Variants in ADAMTS2 observed in about 807,000 individuals in gnomAD.
The protein encoded by ADAMTS2 is A disintegrin and metalloproteinase with thrombospondin motifs 2.
A neutral mutation model predicts 123.0 loss-of-function variants in ADAMTS2; 50 were observed. The observed-to-expected ratio is 0.41, with a 90% CI of 0.32 to 0.51. ADAMTS2 has a LOEUF of 0.51. Among genes scored for constraint, ADAMTS2 ranks in the 20% least tolerant of loss-of-function variants. ADAMTS2 has a pLI of 0.35. For missense variants in ADAMTS2, 1,494 were observed against 1,705.2 expected (o/e 0.88, Z 2.18); for synonymous variants, 678 against 695.4 (o/e 0.98, Z 0.39).
chr5:179,114,670 T>G, intron 21 of ADAMTS2, among the ~76,000 whole-genome samples: 1 of 152,334 alleles, frequency 6.6e-6, no homozygotes, highest in South Asian at 2.1e-4. Context: ...TCTTAAAGAA[T>G]AGGACTTTAT....
chr5:179,186,385 G>A (rs1365009847), intron 4 of ADAMTS2, among the ~76,000 whole-genome samples: 1 of 152,202 alleles, frequency 6.6e-6, no homozygotes, highest in Non-Finnish European at 1.5e-5. Context: ...GATACATCAG[G>A]AACAGACATG....
chr5:179,334,769 A>G (rs1014551607), intron 2 of ADAMTS2, among the ~76,000 whole-genome samples: 1 of 152,266 alleles, frequency 6.6e-6, no homozygotes, highest in Non-Finnish European at 1.5e-5. Context: ...ATAGTTCTAT[A>G]AAAATCAGTA....
At position 179,117,728 on chromosome 5, in the gene ADAMTS2, G is replaced by A. The variant is rs1762687365; in HGVS notation, c.3179-3404C>T. Among the ~76,000 whole-genome samples the A allele has an allele frequency of 6.6e-6, 1 of 152,046 alleles. No homozygotes were observed. The highest frequency in any genetic ancestry group is 6.6e-5 in the Admixed American group (1 of 15,260). ...AATTTTTGTATTTTTAGTAGAGACG[G>A]GGTTTCGCTATGTTGGTCAGGCTGG... is the stretch of plus-strand genomic sequence containing the variant. On this transcript the variant is annotated intron_variant, in intron 21 of 21. Coordinates refer to ENST00000251582, the MANE Select transcript of ADAMTS2 (RefSeq NM_014244.5). The surrounding 1 kb of genome is among the most constrained non-coding windows in gnomAD (Gnocchi z 4.2).
At chr5:179,201,599 A>G (rs575916448) in intron 4 of ADAMTS2, among the ~76,000 whole-genome samples, 1 of 144,676 alleles carries the variant, frequency 6.9e-6, no homozygotes, top group African/African-American at 2.6e-5. Context: ...AGCCTGGCCA[A>G]CATGGTGAAA....
intron 4 of ADAMTS2, among the ~76,000 whole-genome samples, chr5:179,191,652 G>A (rs1316811568): frequency 6.6e-6 from 1 of 152,072 alleles, no homozygotes; most frequent in Non-Finnish European, 1.5e-5. Flanking sequence ...GGGGCGGGCT[G>A]CTGAGCCCAC....
At chr5:179,178,179 T>C (rs1351327644) in intron 5 of ADAMTS2, among the ~76,000 whole-genome samples, 5 of 152,150 alleles carry the variant, frequency 3.3e-5, no homozygotes, top group Non-Finnish European at 1.5e-5. Flanking sequence ...AGGGACAGGC[T>C]GGAAAGACCC....
chr5:179,162,850 T>A lies in ADAMTS2; in HGVS notation c.976-3971A>T, dbSNP rs1763623181. ...CTTGTCACTTGCAGCGAAGAGAATC[T>A]GAGCCACGTGCTTCCTCCTTTGGGG... On this transcript the variant is annotated intron_variant, in intron 5 of 21. Transcript: ENST00000251582. This position sits in a 1 kb window ranked among gnomAD's most constrained non-coding sequence, Gnocchi z 5.1. Among the ~76,000 whole-genome samples the A allele has an allele frequency of 6.6e-6, 1 of 152,260 alleles. No homozygotes were observed. The highest frequency in any genetic ancestry group is 1.5e-5 in the Non-Finnish European group (1 of 68,046).
chr5:179,222,045 T>C (rs1400532720), intron 3 of ADAMTS2, among the ~76,000 whole-genome samples: 1 of 151,790 alleles, frequency 6.6e-6, no homozygotes, highest in East Asian at 2.0e-4. Context: ...CAGCCGCCAC[T>C]CTGAGCCCAG....
At chr5:179,207,362 G>A (rs1764722064) in intron 4 of ADAMTS2, 151 bp downstream of exon 4, 2 of 805,604 alleles carry the variant, frequency 2.5e-6, no homozygotes, top group Admixed American at 4.2e-5. Flanking sequence ...TGGGGACCCA[G>A]CAAGCCTCCC....
intron 3 of ADAMTS2, among the ~76,000 whole-genome samples, chr5:179,221,510 C>G (rs77801323): frequency 0.041 from 6,185 of 152,262 alleles, 181 homozygotes; most frequent in Non-Finnish European, 0.065. Context: ...GCTCAAGGAG[C>G]AGGAGTGACC....
intron 10 of ADAMTS2, among the ~76,000 whole-genome samples, chr5:179,143,338 C>A (rs1763201886): frequency 6.7e-6 from 1 of 150,100 alleles, no homozygotes; most frequent in Non-Finnish European, 1.5e-5. Context: ...GAGGCTGAGA[C>A]AGGAGAATCT....
At chr5:179,336,674 G>A (rs1197400048) in intron 2 of ADAMTS2, among the ~76,000 whole-genome samples, 1 of 152,208 alleles carries the variant, frequency 6.6e-6, no homozygotes, top group East Asian at 1.9e-4. Flanking sequence ...CGGGCCTGGG[G>A]TAGGCGCTTG....
At chr5:179,133,562 G>A (rs891641361) in intron 13 of ADAMTS2, among the ~76,000 whole-genome samples, 5 of 150,860 alleles carry the variant, frequency 3.3e-5, no homozygotes, top group African/African-American at 1.2e-4. Flanking sequence ...GAGCCACCGC[G>A]CCCGGCCAAG....
intron 3 of ADAMTS2, among the ~76,000 whole-genome samples, chr5:179,231,995 C>T (rs188369407): frequency 1.2e-4 from 18 of 151,938 alleles, no homozygotes; most frequent in East Asian, 9.7e-4. Context: ...AGGCAGAACC[C>T]GTATCAGCTT....
At chr5:179,247,075 A>G (rs4701085) in intron 3 of ADAMTS2, among the ~76,000 whole-genome samples, 36,501 of 152,110 alleles carry the variant, frequency 0.24, 5,477 homozygotes, top group Non-Finnish European at 0.32. Flanking sequence ...GTGCCAGACA[A>G]AGATTTTAAA....
chr5:179,272,873 G>T lies in ADAMTS2; in HGVS notation c.688+38C>A, dbSNP rs1369511337. ...TCCCCTGGGGACCAGGGCCTCAGAG[G>T]GCTCTCCACACAGCCTGCCCACCTG... On this transcript the variant is annotated intron_variant, in intron 3 of 21. Transcript: ENST00000251582. The surrounding 1 kb of genome is among the most constrained non-coding windows in gnomAD (Gnocchi z 5.8). The T allele has an allele frequency of 6.3e-7, 1 of 1,598,068 alleles. No individual in the cohort carries two copies. The highest frequency in any genetic ancestry group is 2.2e-5 in the East Asian group (1 of 44,732).
intron 3 of ADAMTS2, among the ~76,000 whole-genome samples, chr5:179,267,392 G>C (rs1335188779): frequency 6.6e-6 from 1 of 152,252 alleles, no homozygotes; most frequent in Admixed American, 6.5e-5. Flanking sequence ...CTGCCCGTCA[G>C]GGAGGATGCT....
chr5:179,316,239 C>A (rs1756996279), intron 2 of ADAMTS2, among the ~76,000 whole-genome samples: 1 of 152,196 alleles, frequency 6.6e-6, no homozygotes, highest in Non-Finnish European at 1.5e-5. Flanking sequence ...AGGCTCTTGC[C>A]TGGAGGGAAG....
chr5:179,193,557 T>C (rs535201653), intron 4 of ADAMTS2, among the ~76,000 whole-genome samples: 3 of 152,260 alleles, frequency 2.0e-5, no homozygotes, highest in South Asian at 4.2e-4. Flanking sequence ...GCCTCTGTCA[T>C]AGAAGCGAAG....
Sources: gnomAD v4.1 joint callset for allele counts (sites outside exome capture counted in the v4.1 genomes callset) on GRCh38, gnomAD v4.1.1 for gene constraint, Gnocchi (gnomAD v3.1) non-coding constraint, MANE v1.5 for transcripts, NCBI Gene and HGNC (gene_info 2026-07-23, HGNC 2026-07-21) for gene names.